Variants in ZNF718 observed in about 807,000 individuals in gnomAD.
ZNF718 encodes zinc finger protein 718.
Under a neutral mutation model 2.6 loss-of-function variants are expected in ZNF718, and 3 were observed. That is an observed-to-expected ratio of 1.16 (90% CI 0.53 to 3.01). ZNF718 has a LOEUF of 3.01. ZNF718 is among the 30% of genes most tolerant of loss of function. ZNF718 has a pLI of 0.03. For synonymous variants in ZNF718, 135 were observed against 77.9 expected, an observed-to-expected ratio of 1.73 and a Z score of -3.86; for missense variants, 468 against 230.0, an observed-to-expected ratio of 2.03 and a Z score of -6.69.
At chr4:168,472 A>T (rs1224417511), downstream of ZNF718, among the ~76,000 whole-genome samples, 1 of 152,094 alleles carries the variant, frequency 6.6e-6, no homozygotes, top group Non-Finnish European at 1.5e-5. Flanking sequence ...CTGTGAATCC[A>T]TCTGGTGCTG....
intron 3 of ZNF718, among the ~76,000 whole-genome samples, chr4:187,694 G>C (rs891290720): frequency 6.6e-6 from 1 of 152,166 alleles, no homozygotes; most frequent in Non-Finnish European, 1.5e-5. Context: ...CCATGGTTTG[G>C]AGGTCTCACC....
chr4:192,232 A>T (rs1171096196), intron 3 of ZNF718, among the ~76,000 whole-genome samples: 2 of 152,142 alleles, frequency 1.3e-5, no homozygotes, highest in Non-Finnish European at 2.9e-5. Flanking sequence ...TTGCAAATTT[A>T]ATAGAGTGAA....
chr4:141,181 G>GAAA, intron 3 of ZNF718, among the ~76,000 whole-genome samples: 1 of 150,594 alleles, frequency 6.6e-6, no homozygotes, highest in African/African-American at 2.4e-5. Flanking sequence ...TGTTATTCAT[G>GAAA]AAAAAAAAAG....
intron 3 of ZNF718, among the ~76,000 whole-genome samples, chr4:133,560 C>A (rs1560108417): frequency 1.3e-5 from 2 of 152,120 alleles, no homozygotes; most frequent in Non-Finnish European, 2.9e-5. Flanking sequence ...CATACACATA[C>A]CTATATAAGT....
intron 3 of ZNF718, among the ~76,000 whole-genome samples, chr4:194,669 A>G (rs898992863): frequency 3.9e-5 from 6 of 152,182 alleles, no homozygotes; most frequent in Non-Finnish European, 8.8e-5. Flanking sequence ...TAAAACATCA[A>G]TATAGCCGTC....
chr4:139,162 C>G (rs564131632), intron 3 of ZNF718, among the ~76,000 whole-genome samples: 2 of 152,238 alleles, frequency 1.3e-5, no homozygotes, highest in East Asian at 3.9e-4. Flanking sequence ...CGTTGGCTGC[C>G]TGTGCTTGTG....
At chr4:153,420 G>A (rs797038651) in intron 3 of ZNF718, among the ~76,000 whole-genome samples, 1 of 151,960 alleles carries the variant, frequency 6.6e-6, no homozygotes, top group South Asian at 2.1e-4. Context: ...TCCCTATAAC[G>A]TTTAAGCTTG....
At chr4:136,806 T>G (rs1715591639) in intron 3 of ZNF718, among the ~76,000 whole-genome samples, 1 of 152,252 alleles carries the variant, frequency 6.6e-6, no homozygotes, top group Non-Finnish European at 1.5e-5. Flanking sequence ...TTTCATTGTA[T>G]GTATAAGCCA....
Position 170,428 on chromosome 4 carries a change from T to C in ZNF718, c.227-30653T>C, listed in dbSNP as rs537643333. 5.6e-4 allele frequency among the ~76,000 whole-genome samples: 86 copies of C among 152,322 alleles called. No homozygotes were observed. In the South Asian group the frequency reaches 0.018, roughly 31 times the overall value. On this transcript the variant is annotated intron_variant and NMD_transcript_variant, in intron 3 of 4. Coordinates refer to the ZNF718 transcript ENST00000642529. ...AGATTGGGGAAGTTCTCCTGGATAA[T>C]ATCCTGCAGAGTGTTTTCCAACTTG...
At chr4:183,411 T>C (rs1717505369) in intron 3 of ZNF718, among the ~76,000 whole-genome samples, 1 of 152,196 alleles carries the variant, frequency 6.6e-6, no homozygotes, top group South Asian at 2.1e-4. Flanking sequence ...AGCCCTGGAG[T>C]ATAGTTTCAA....
At position 161,788 on chromosome 4, in the gene ZNF718, CAT is replaced by C. The variant is rs538773608; in HGVS notation, c.1104_1105del (p.Cys369Ter). 151 of 780,396 alleles carry C rather than the reference CAT, an allele frequency of 1.9e-4. 2 individuals are homozygous for C. The highest frequency in any genetic ancestry group is 1.9e-3 in the South Asian group (138 of 74,576). 48.3% of individuals were successfully genotyped at this position (780,396 alleles called of 1,614,324 possible). A position where few individuals can be genotyped will look rare whatever the true frequency, so the allele number is the denominator to read the frequency against. On this transcript the variant is annotated frameshift_variant, in exon 4 of 4. Transcript: ENST00000510175. LOFTEE classifies it low-confidence loss of function (END_TRUNC). Reference sequence around the variant, plus strand: ...ATCCATACTGGAGAGAAACCCTACACATGTGAAGAATGTGGAAAAGCCTTTAA... The same window carrying C: ...ATCCATACTGGAGAGAAACCCTACACGTGAAGAATGTGGAAAAGCCTTTAA...
At chr4:199,582 T>A (rs1553822485) in intron 3 of ZNF718, among the ~76,000 whole-genome samples, 1 of 152,258 alleles carries the variant, frequency 6.6e-6, no homozygotes, top group South Asian at 2.1e-4. Context: ...ATTTTAGTCC[T>A]GGGGACAGGC....
chr4:182,285 G>C (rs1261937237), intron 3 of ZNF718, among the ~76,000 whole-genome samples: 1 of 151,874 alleles, frequency 6.6e-6, no homozygotes, highest in African/African-American at 2.4e-5. Context: ...CTCACCAATG[G>C]TGTAAGAGCA....
At chr4:126,319 A>T (rs1307573796) in intron 1 of ZNF718, among the ~76,000 whole-genome samples, 1 of 152,156 alleles carries the variant, frequency 6.6e-6, no homozygotes, top group Non-Finnish European at 1.5e-5. Context: ...CCTTTTCTTA[A>T]AGCATTTAGG....
chr4:169,812 C>T (rs1553817644), intron 3 of ZNF718, among the ~76,000 whole-genome samples: 2 of 152,110 alleles, frequency 1.3e-5, no homozygotes, highest in African/African-American at 4.8e-5. Flanking sequence ...ATTTGCCAGT[C>T]TGTGTCTTTT....
At chr4:186,503 C>A (rs1479227705) in intron 3 of ZNF718, among the ~76,000 whole-genome samples, 4 of 152,118 alleles carry the variant, frequency 2.6e-5, no homozygotes, top group Non-Finnish European at 4.4e-5. Context: ...GGGTTCTCTG[C>A]ATTTCCTGAA....
chr4:124,993 C>CTT (rs1467078204), intron 1 of ZNF718: 1 of 321,744 alleles, frequency 3.1e-6, no homozygotes, highest in Non-Finnish European at 5.9e-6. Context: ...CCCGTCCCTA[C>CTT]TTTACCCTGT....
chr4:181,328 T>G (rs557794678), intron 3 of ZNF718, among the ~76,000 whole-genome samples: 1 of 151,990 alleles, frequency 6.6e-6, no homozygotes, highest in Non-Finnish European at 1.5e-5. Flanking sequence ...ATTCTTGATT[T>G]TGCTTTTGTG....
At chr4:173,917 T>C (rs1253348472) in intron 3 of ZNF718, among the ~76,000 whole-genome samples, 1 of 152,210 alleles carries the variant, frequency 6.6e-6, no homozygotes, top group Non-Finnish European at 1.5e-5. Flanking sequence ...TAGCCATTGA[T>C]GCTCGCATTT....
Sources: allele counts gnomAD v4.1 joint callset (sites outside exome capture counted in the v4.1 genomes callset), GRCh38; gene constraint gnomAD v4.1.1; transcripts MANE v1.5; gene names NCBI Gene and HGNC (gene_info 2026-07-23, HGNC 2026-07-21).